CPA6: variants seen among roughly 807,000 people sequenced by gnomAD.
CPA6 encodes carboxypeptidase A6, also known as carboxypeptidase B.
A neutral mutation model predicts 63.3 loss-of-function variants in CPA6; 58 were observed. That is an observed-to-expected ratio of 0.92 (90% CI 0.74 to 1.14). The LOEUF is 1.14. Ranked by LOEUF, CPA6 falls within the 50% of genes most tolerant of loss-of-function variation. The pLI is 0.00. For synonymous variants in CPA6, 185 were observed against 179.0 expected, an observed-to-expected ratio of 1.03 and a Z score of -0.27; for missense variants, 565 against 526.6, an observed-to-expected ratio of 1.07 and a Z score of -0.71.
intron 9 of CPA6, among the ~76,000 whole-genome samples, chr8:67,432,543 C>T (rs577188053): frequency 6.6e-6 from 1 of 152,252 alleles, no homozygotes; most frequent in East Asian, 1.9e-4. Flanking sequence ...CACTGCAGCC[C>T]TGACCTCATG....
At chr8:67,450,500 C>T (rs945773434) in intron 8 of CPA6, among the ~76,000 whole-genome samples, 5 of 152,106 alleles carry the variant, frequency 3.3e-5, no homozygotes, top group African/African-American at 7.2e-5. Flanking sequence ...TGTCAATGAA[C>T]GAAGGGTAGG....
chr8:67,658,871 T>C (rs1343703685), intron 1 of CPA6, among the ~76,000 whole-genome samples: 1 of 152,086 alleles, frequency 6.6e-6, no homozygotes, highest in African/African-American at 2.4e-5. Flanking sequence ...TCTTTCTTCC[T>C]CCTCTCCCCT....
At chr8:67,454,545 T>C (rs953046172) in intron 8 of CPA6, among the ~76,000 whole-genome samples, 6 of 152,220 alleles carry the variant, frequency 3.9e-5, no homozygotes, top group African/African-American at 1.4e-4. Context: ...GCAAGCAGCA[T>C]CAAACTCATC....
At chr8:67,585,023 A>T (rs187285610) in intron 2 of CPA6, among the ~76,000 whole-genome samples, 134 of 152,016 alleles carry the variant, frequency 8.8e-4, no homozygotes, top group African/African-American at 3.0e-3. Flanking sequence ...AACCAGAATA[A>T]TGTGATAAGG....
At chr8:67,516,796 T>C (rs1812153661) in intron 3 of CPA6, among the ~76,000 whole-genome samples, 1 of 152,122 alleles carries the variant, frequency 6.6e-6, no homozygotes, top group Admixed American at 6.5e-5. Context: ...ACTTGCTCTT[T>C]TCTTTTTTTT....
intron 8 of CPA6, among the ~76,000 whole-genome samples, chr8:67,475,809 CTTTCTTTCCTTTCTTTTCTTTCTTTCTTT>C (rs1811177162): frequency 4.2e-5 from 2 of 48,064 alleles, no homozygotes; most frequent in African/African-American, 2.5e-4. Flanking sequence ...TTCTTTCTTT[CTTTCTTTCCTTTCTTTTCTTTCTTTCTTT>C]CTTTCTTTCT....
At chr8:67,634,227 G>A (rs1447924069) in intron 1 of CPA6, among the ~76,000 whole-genome samples, 1 of 126,688 alleles carries the variant, frequency 7.9e-6, no homozygotes, top group Non-Finnish European at 1.7e-5. Flanking sequence ...TTATTTATTT[G>A]TTTTTTTTTT....
chr8:67,647,954 C>G (rs1241002278), intron 1 of CPA6, among the ~76,000 whole-genome samples: 2 of 152,100 alleles, frequency 1.3e-5, no homozygotes, highest in Non-Finnish European at 2.9e-5. Flanking sequence ...GCATCTGTAT[C>G]CCACTGGGAT....
intron 8 of CPA6, among the ~76,000 whole-genome samples, chr8:67,482,303 C>T (rs913845542): frequency 3.3e-5 from 5 of 152,096 alleles, no homozygotes; most frequent in Admixed American, 6.5e-5. Flanking sequence ...CACTAACAAG[C>T]GAAACATCCC....
intron 2 of CPA6, among the ~76,000 whole-genome samples, chr8:67,608,869 A>G (rs1043266845): frequency 1.3e-5 from 2 of 152,216 alleles, no homozygotes; most frequent in African/African-American, 4.8e-5. Flanking sequence ...TCCACTGGTC[A>G]TGATCAGTTG....
intron 2 of CPA6, among the ~76,000 whole-genome samples, chr8:67,616,820 C>G (rs559065025): frequency 6.6e-6 from 1 of 152,104 alleles, no homozygotes; most frequent in Non-Finnish European, 1.5e-5. Context: ...TCCTAGACAA[C>G]GAGAGACCCA....
intron 1 of CPA6, among the ~76,000 whole-genome samples, chr8:67,691,470 T>C (rs532046992): frequency 6.6e-6 from 1 of 152,270 alleles, no homozygotes; most frequent in African/African-American, 2.4e-5. Flanking sequence ...TCTTTCCTCA[T>C]TTGCTGAAGG....
chr8:67,599,585 C>T (rs1814439665), intron 2 of CPA6, among the ~76,000 whole-genome samples: 1 of 152,140 alleles, frequency 6.6e-6, no homozygotes, highest in Non-Finnish European at 1.5e-5. Flanking sequence ...GATCTGTTGG[C>T]CTCACTTTAC....
intron 9 of CPA6, among the ~76,000 whole-genome samples, chr8:67,431,547 A>G (rs1810027814): frequency 1.3e-5 from 2 of 152,282 alleles, no homozygotes; most frequent in South Asian, 4.1e-4. Flanking sequence ...TAATTTTTAT[A>G]TATTATATAG....
intron 1 of CPA6, among the ~76,000 whole-genome samples, chr8:67,642,828 A>G (rs1438118933): frequency 2.0e-5 from 2 of 101,712 alleles, no homozygotes; most frequent in African/African-American, 8.8e-5. Flanking sequence ...CACACACTCC[A>G]AGTCAAAATG....
At chr8:67,710,021 A>G (rs1011643946) in intron 1 of CPA6, among the ~76,000 whole-genome samples, 2 of 152,056 alleles carry the variant, frequency 1.3e-5, no homozygotes, top group Admixed American at 6.6e-5. Context: ...GCTGAGGAAG[A>G]AGAATCGCTT....
intron 1 of CPA6, among the ~76,000 whole-genome samples, chr8:67,705,180 C>G (rs1389290112): frequency 6.6e-6 from 1 of 152,144 alleles, no homozygotes. Context: ...AAGTTCCGCA[C>G]AGCTTGCCAC....
At chr8:67,427,889 C>T (rs534167512) in intron 10 of CPA6, among the ~76,000 whole-genome samples, 158 bp downstream of exon 10, 10 of 152,288 alleles carry the variant, frequency 6.6e-5, no homozygotes, top group African/African-American at 1.9e-4. Flanking sequence ...CTGTGTAAAA[C>T]GAATCAGATA....
intron 3 of CPA6, among the ~76,000 whole-genome samples, chr8:67,515,257 C>T (rs1812119673): frequency 5.9e-5 from 9 of 152,264 alleles, no homozygotes; most frequent in Admixed American, 3.3e-4. Context: ...CCCTCCTTCT[C>T]TATCTCATCT....
Sources: gnomAD v4.1 joint callset for allele counts (sites outside exome capture counted in the v4.1 genomes callset) on GRCh38, gnomAD v4.1.1 for gene constraint, MANE v1.5 for transcripts, NCBI Gene and HGNC (gene_info 2026-07-23, HGNC 2026-07-21) for gene names.